Variants in ARNT2 observed in about 807,000 individuals in gnomAD.
ARNT2 encodes the protein aryl hydrocarbon receptor nuclear translocator 2.
ARNT2 carries 36 observed loss-of-function variants against 91.7 expected under a neutral mutation model. The observed-to-expected ratio is 0.39, with a 90% CI of 0.30 to 0.52. The LOEUF (loss-of-function observed/expected upper bound fraction) is 0.52, where lower values mean the gene tolerates loss of function less well. Among genes scored for constraint, ARNT2 ranks in the 20% least tolerant of loss-of-function variants. The probability of loss-of-function intolerance (pLI) is 0.72; values close to 1 mark genes in which losing one functional copy is unlikely to be tolerated. For synonymous variants in ARNT2, 365 were observed against 347.1 expected (o/e 1.05, Z -0.57); for missense variants, 775 against 939.3 (o/e 0.83, Z 2.29).
chr15:80,529,940 C>G (rs1333271681), intron 8 of ARNT2, among the ~76,000 whole-genome samples: 1 of 152,184 alleles, frequency 6.6e-6, no homozygotes, highest in East Asian at 1.9e-4. Context: ...TTGTGCCTTG[C>G]GCATAAATAT....
intron 1 of ARNT2, among the ~76,000 whole-genome samples, chr15:80,417,601 T>C (rs1463230922): frequency 2.6e-5 from 4 of 150,978 alleles, no homozygotes; most frequent in African/African-American, 9.7e-5. Context: ...TCTCTCTCTC[T>C]CTTCTCCTTC....
intron 14 of ARNT2, among the ~76,000 whole-genome samples, chr15:80,576,236 G>A (rs1291766662): frequency 6.6e-6 from 1 of 152,070 alleles, no homozygotes; most frequent in African/African-American, 2.4e-5. Flanking sequence ...ACACCGCAGG[G>A]TTGGAAAGAT....
At chr15:80,452,055 A>G (rs1477699299) in intron 2 of ARNT2, among the ~76,000 whole-genome samples, 1 of 152,226 alleles carries the variant, frequency 6.6e-6, no homozygotes, top group African/African-American at 2.4e-5. Flanking sequence ...TAAAGGGGGC[A>G]TAAGTGGAGG....
chr15:80,538,366 G>A (rs7180938), intron 8 of ARNT2, among the ~76,000 whole-genome samples: 59,556 of 151,886 alleles, frequency 0.39, 12,329 homozygotes, highest in African/African-American at 0.5. Context: ...CAAAATTTTA[G>A]TAAATCTCAA....
At chr15:80,424,601 C>G (rs555678256) in intron 1 of ARNT2, among the ~76,000 whole-genome samples, 10 of 152,110 alleles carry the variant, frequency 6.6e-5, no homozygotes, top group African/African-American at 1.2e-4. Context: ...TTTATTATGG[C>G]ATTCTTTTGT....
intron 5 of ARNT2, among the ~76,000 whole-genome samples, chr15:80,495,599 A>C (rs763505280): frequency 1.5e-4 from 23 of 152,240 alleles, no homozygotes; most frequent in Non-Finnish European, 2.5e-4. Context: ...AGGGTTTGTC[A>C]GAAGCATGTT....
intron 8 of ARNT2, among the ~76,000 whole-genome samples, chr15:80,518,481 A>G (rs992058118): frequency 2.0e-5 from 3 of 151,914 alleles, no homozygotes; most frequent in South Asian, 4.1e-4. Flanking sequence ...GGGTTTCACC[A>G]TGTTGGCCAT....
intron 11 of ARNT2, among the ~76,000 whole-genome samples, chr15:80,560,973 G>A (rs1486859463): frequency 1.3e-5 from 2 of 152,204 alleles, no homozygotes; most frequent in Admixed American, 1.3e-4. Context: ...CTTCCCCTAG[G>A]GACAGTGTGG....
chr15:80,435,483 C>T (rs1431001660), intron 1 of ARNT2, among the ~76,000 whole-genome samples: 1 of 152,186 alleles, frequency 6.6e-6, no homozygotes, highest in Non-Finnish European at 1.5e-5. Flanking sequence ...ATCCTGGGCC[C>T]TGGTCCTCCC....
intron 1 of ARNT2, among the ~76,000 whole-genome samples, chr15:80,414,279 A>G (rs1895745202): frequency 6.6e-6 from 1 of 152,174 alleles, no homozygotes; most frequent in South Asian, 2.1e-4. Context: ...GAGGCCAAGG[A>G]TGCTGCTAAA....
At position 80,485,320 on chromosome 15, in the gene ARNT2, T is replaced by G. The variant is rs558210372; in HGVS notation, c.622+10097T>G. Among the ~76,000 whole-genome samples, 96 of 152,340 alleles carry G rather than the reference T, an allele frequency of 6.3e-4. 1 individual carries two copies. Among genetic ancestry groups the G allele is most frequent in the Non-Finnish European group, 1.2e-3 (85 of 68,032 alleles). On this transcript the variant is annotated intron_variant, in intron 5 of 18. Transcript: ENST00000303329. ...AGAGGAGAGGGAAGAAAAGAGGCAC[T>G]TACTTTTTTCTTTCTCTTTGTTCTA...
intron 1 of ARNT2, among the ~76,000 whole-genome samples, chr15:80,419,530 A>G (rs1264492272): frequency 1.3e-5 from 2 of 152,194 alleles, no homozygotes; most frequent in Non-Finnish European, 2.9e-5. Context: ...AAGATAATTA[A>G]TGAGTGGACT....
intron 1 of ARNT2, among the ~76,000 whole-genome samples, chr15:80,420,351 C>G (rs894844689): frequency 1.3e-5 from 2 of 152,076 alleles, no homozygotes; most frequent in Admixed American, 1.3e-4. Flanking sequence ...TCCCAAGATG[C>G]CAGGCCAGAT....
intron 5 of ARNT2, among the ~76,000 whole-genome samples, chr15:80,506,086 G>A (rs887479923): frequency 3.7e-4 from 56 of 151,884 alleles, no homozygotes; most frequent in African/African-American, 1.1e-3. Flanking sequence ...ACAGGTGCCC[G>A]CCACCGCGCC....
intron 5 of ARNT2, among the ~76,000 whole-genome samples, chr15:80,490,871 TATATA>T (rs1427220752): frequency 6.6e-6 from 1 of 152,236 alleles, no homozygotes; most frequent in Non-Finnish European, 1.5e-5. Flanking sequence ...AACAGGCAGT[TATATA>T]ATGAATATAG....
chr15:80,435,532 C>G (rs1896073248), intron 1 of ARNT2, among the ~76,000 whole-genome samples: 1 of 152,152 alleles, frequency 6.6e-6, no homozygotes, highest in African/African-American at 2.4e-5. Flanking sequence ...GCCTCCCAGT[C>G]CAAACAGCTG....
intron 1 of ARNT2, among the ~76,000 whole-genome samples, chr15:80,449,986 T>A: frequency 6.6e-6 from 1 of 152,180 alleles, no homozygotes; most frequent in East Asian, 1.9e-4. Context: ...GTAAACAGAA[T>A]CACAGAGGCC....
At chr15:80,527,367 G>C (rs1897655495) in intron 8 of ARNT2, among the ~76,000 whole-genome samples, 1 of 152,300 alleles carries the variant, frequency 6.6e-6, no homozygotes, top group South Asian at 2.1e-4. Context: ...CATTAATTGG[G>C]AGTACCAAGA....
rs1895575191 is a variant in ARNT2 at position 80,404,862 on chromosome 15, C to T, written c.31+316C>T. Among the ~76,000 whole-genome samples the T allele has an allele frequency of 6.6e-6, 1 of 152,240 alleles. No individual in the cohort carries two copies. Among genetic ancestry groups the T allele is most frequent in the South Asian group, 2.1e-4 (1 of 4,834 alleles). The stretch of plus-strand genomic sequence containing the variant: ...TTCTGAAAATAACCGCCTTTGCCTT[C>T]CCCATCCCACGCATTTTTCTCTTCC... On this transcript the variant is annotated intron_variant, in intron 1 of 18. Coordinates refer to ENST00000303329, the MANE Select transcript of ARNT2 (RefSeq NM_014862.4). This position sits in a 1 kb window ranked among gnomAD's most constrained non-coding sequence, Gnocchi z 5.5.
Sources: allele counts gnomAD v4.1 joint callset (sites outside exome capture counted in the v4.1 genomes callset), GRCh38; gene constraint gnomAD v4.1.1; non-coding constraint Gnocchi (gnomAD v3.1); transcripts MANE v1.5; gene names NCBI Gene and HGNC (gene_info 2026-07-23, HGNC 2026-07-21).